The following DST variants were observed in gnomAD, a reference collection of about 807,000 sequenced individuals.
The protein encoded by DST is dystonin, also known as bullous pemphigoid antigen.
In DST, 253 loss-of-function variants were observed where a neutral mutation model predicts 875.2. The ratio of observed to expected loss-of-function variants is 0.29; its 90% CI spans 0.26 to 0.32. The LOEUF is 0.32. Ranked by LOEUF, DST falls within the 10% of genes least tolerant of loss-of-function variation. The pLI is 1.00. For missense variants in DST, 8,287 were observed against 9,111.6 expected (o/e 0.91, Z 3.68); for synonymous variants, 3,124 against 3,197.1 (o/e 0.98, Z 0.77).
Position 56,947,792 on chromosome 6 carries a change from C to T in DST, c.216+5993G>A, listed in dbSNP as rs1330769602. 2.6e-5 allele frequency among the ~76,000 whole-genome samples: 4 copies of T among 152,332 alleles called. No homozygotes were observed. The East Asian group carries it at 7.7e-4, about 29-fold the overall frequency. Reference sequence around the variant, plus strand: ...TGCTTTCCTAAATCTTGTCTATCCTCATGCCCTTATACCAACCTGGGATTT... The same window carrying T: ...TGCTTTCCTAAATCTTGTCTATCCTTATGCCCTTATACCAACCTGGGATTT... On this transcript the variant is annotated intron_variant, in intron 2 of 103. Coordinates refer to ENST00000680361, the MANE Select transcript of DST (RefSeq NM_001374736.1).
intron 2 of DST, among the ~76,000 whole-genome samples, chr6:56,930,122 C>G (rs1369657328): frequency 6.6e-6 from 1 of 152,206 alleles, no homozygotes; most frequent in Non-Finnish European, 1.5e-5. Flanking sequence ...GGTAAGGACA[C>G]CAAAAGGTAA....
chr6:56,507,182 ATT>A (rs995427356), intron 75 of DST, among the ~76,000 whole-genome samples: 2 of 152,208 alleles, frequency 1.3e-5, no homozygotes, highest in South Asian at 2.1e-4. Context: ...TTGTTAGTAG[ATT>A]TAGAATAATC....
intron 89 of DST, 129 bp from the exon 90 acceptor site, chr6:56,482,307 T>C: frequency 3.9e-6 from 4 of 1,035,608 alleles, no homozygotes; most frequent in Non-Finnish European, 5.2e-6. Flanking sequence ...AATTGCTTCA[T>C]TACTCCCATT....
chr6:56,548,416 ACTT>A (rs756859787), intron 61 of DST, among the ~76,000 whole-genome samples: 3 of 152,240 alleles, frequency 2.0e-5, no homozygotes, highest in Non-Finnish European at 4.4e-5. Context: ...GATAATGGTT[ACTT>A]CATAATGATC....
At chr6:56,757,858 G>A (rs926336271) in intron 4 of DST, among the ~76,000 whole-genome samples, 1 of 152,074 alleles carries the variant, frequency 6.6e-6, no homozygotes, top group East Asian at 1.9e-4. Context: ...GCCTCCTGCT[G>A]GACTTCTCTC....
At chr6:56,892,070 T>C (rs1787826071) in intron 3 of DST, among the ~76,000 whole-genome samples, 1 of 152,204 alleles carries the variant, frequency 6.6e-6, no homozygotes, top group Admixed American at 6.5e-5. Context: ...GCTCTCCTGA[T>C]GTACCCTGCA....
chr6:56,785,139 G>T (rs1007534513), intron 4 of DST, among the ~76,000 whole-genome samples: 1 of 152,118 alleles, frequency 6.6e-6, no homozygotes, highest in East Asian at 1.9e-4. Flanking sequence ...TGCCCCTACT[G>T]GGGGGTGCCT....
At chr6:56,854,217 T>G (rs1766712270) in intron 3 of DST, among the ~76,000 whole-genome samples, 1 of 152,190 alleles carries the variant, frequency 6.6e-6, no homozygotes, top group Non-Finnish European at 1.5e-5. Flanking sequence ...TCTTGGGGGC[T>G]AGAAAAGAGT....
rs1022098773 is a variant in DST, at chr6:56,514,580, C to T, written c.18576+870G>A. 9.8e-5 allele frequency among the ~76,000 whole-genome samples: 7 copies of T among 71,604 alleles called. No individual in the cohort carries two copies. In the Admixed American group the frequency reaches 1.0e-3, roughly 11 times the overall value. 47.0% of individuals were successfully genotyped at this position (71,604 alleles called of 152,430 possible). A position where few individuals can be genotyped will look rare whatever the true frequency, so the allele number is the denominator to read the frequency against. ...CTTCTCTCTTGGGCACAGGCGTATA[C>T]ACACACACACACACACACACACACA... On this transcript the variant is annotated intron_variant, in intron 72 of 103. Coordinates refer to ENST00000680361, the MANE Select transcript of DST (RefSeq NM_001374736.1).
At chr6:56,666,010 T>G (rs907727897) in intron 10 of DST, among the ~76,000 whole-genome samples, 3 of 152,252 alleles carry the variant, frequency 2.0e-5, no homozygotes, top group African/African-American at 7.2e-5. Flanking sequence ...TTTAACTTCA[T>G]GGATCATTTT....
At chr6:56,682,868 A>G (rs1263066691) in intron 9 of DST, among the ~76,000 whole-genome samples, 1 of 152,198 alleles carries the variant, frequency 6.6e-6, no homozygotes, top group Non-Finnish European at 1.5e-5. Flanking sequence ...GAGACCAAGC[A>G]GAATATGTTG....
intron 80 of DST, 34 bp downstream of exon 80, chr6:56,501,046 A>G: frequency 1.2e-6 from 2 of 1,601,080 alleles, no homozygotes; most frequent in Non-Finnish European, 1.7e-6. Context: ...AAATGGACAG[A>G]GAAGAAACAT....
chr6:56,816,654 A>C (rs2099766858), intron 4 of DST, among the ~76,000 whole-genome samples: 2 of 152,184 alleles, frequency 1.3e-5, no homozygotes, highest in Non-Finnish European at 2.9e-5. Flanking sequence ...TACCATAGGA[A>C]TCCCCTATCG....
chr6:56,536,905 A>G lies in DST; in HGVS notation c.16644T>C (p.Gly5548=), dbSNP rs763965004. Residue 5548 remains glycine (G), a synonymous_variant, in exon 62 of 104, where the codon GGT becomes GGC. Coordinates refer to ENST00000680361, the MANE Select transcript of DST (RefSeq NM_001374736.1). Reference sequence around the variant, plus strand: ...CTAACCAGTTTACATCTTGCTGTTTACCTTGCAAGGGTTCAATCTCTTCTT... The same window carrying G: ...CTAACCAGTTTACATCTTGCTGTTTGCCTTGCAAGGGTTCAATCTCTTCTT... The part of the protein sequence containing the change: ...FQKEEIEPLQ[G]KQQDVNWLGQ... The G allele has an allele frequency of 6.2e-7, 1 of 1,613,928 alleles. No individual in the cohort carries two copies. Among genetic ancestry groups the G allele is most frequent in the Non-Finnish European group, 8.5e-7 (1 of 1,179,850 alleles).
chr6:56,475,831 G>A (rs572051035), intron 92 of DST, among the ~76,000 whole-genome samples: 2 of 152,318 alleles, frequency 1.3e-5, no homozygotes, highest in East Asian at 3.9e-4. Flanking sequence ...GAGAAATAGA[G>A]AGCTGAGGAT....
intron 10 of DST, among the ~76,000 whole-genome samples, chr6:56,662,640 T>C (rs1307648633): frequency 6.6e-6 from 1 of 152,102 alleles, no homozygotes; most frequent in Non-Finnish European, 1.5e-5. Context: ...TTACATCACA[T>C]CTATAAAGAT....
chr6:56,517,614 G>T lies in DST; in HGVS notation c.18136C>A (p.Gln6046Lys). Residue 6046 changes from glutamine to lysine, a missense_variant, in exon 70 of 104, where the codon CAA becomes AAA. Coordinates refer to ENST00000680361, the MANE Select transcript of DST (RefSeq NM_001374736.1). ...AAILRSQQFDQAADAELSWIT... is the reference protein window; with the variant it reads ...AAILRSQQFDKAADAELSWIT... The stretch of plus-strand genomic sequence containing the variant: ...CAGGATAACTCAGCATCAGCTGCTT[G>T]GTCAAACTAAACAAAAGATAAATAA... The T allele has an allele frequency of 6.2e-7, 1 of 1,612,126 alleles. No homozygotes were observed. The highest frequency in any genetic ancestry group is 8.5e-7 in the Non-Finnish European group (1 of 1,179,168).
chr6:56,649,056 G>A (rs2098960089), intron 12 of DST, among the ~76,000 whole-genome samples: 1 of 152,140 alleles, frequency 6.6e-6, no homozygotes, highest in Non-Finnish European at 1.5e-5. Flanking sequence ...ACTTGCATAA[G>A]CCAAGTTAGT....
At position 56,669,398 on chromosome 6, in the gene DST, C is replaced by T. The variant is rs555253748; in HGVS notation, c.1214+1243G>A. Reference sequence around the variant, plus strand: ...ATCACCTGAGGTCAGGAGTTCAAGACCAGCCTGGCCAAAATGGTGAAACCC... The same window carrying T: ...ATCACCTGAGGTCAGGAGTTCAAGATCAGCCTGGCCAAAATGGTGAAACCC... On this transcript the variant is annotated intron_variant, in intron 10 of 103. Coordinates refer to ENST00000680361, the MANE Select transcript of DST (RefSeq NM_001374736.1). 4.4e-3 allele frequency among the ~76,000 whole-genome samples: 665 copies of T among 151,172 alleles called. 5 individuals carry two copies. The highest frequency in any genetic ancestry group is 0.015 in the African/African-American group (639 of 41,236).
Sources: gnomAD v4.1 joint callset for allele counts (sites outside exome capture counted in the v4.1 genomes callset) on GRCh38, gnomAD v4.1.1 for gene constraint, MANE v1.5 for transcripts, NCBI Gene and HGNC (gene_info 2026-07-23, HGNC 2026-07-21) for gene names.